SPATA17: variants seen among roughly 807,000 people sequenced by gnomAD.
The protein encoded by SPATA17 is spermatogenesis associated 17.
A neutral mutation model predicts 62.2 loss-of-function variants in SPATA17; 53 were observed. The ratio of observed to expected loss-of-function variants is 0.85; its 90% CI spans 0.68 to 1.07. SPATA17 has a LOEUF of 1.07. Among genes scored for constraint, SPATA17 ranks in the 50% least tolerant of loss-of-function variants. The pLI, the probability that SPATA17 is intolerant of heterozygous loss-of-function variation, is 0.00. For synonymous variants in SPATA17, 146 were observed against 146.8 expected (o/e 0.99, Z 0.04); for missense variants, 466 against 425.5 (o/e 1.10, Z -0.84).
At chr1:217,770,978 ATTTTTTTTTTTTTTTT>A (rs374042087) in intron 6 of SPATA17, among the ~76,000 whole-genome samples, 7 of 50,148 alleles carry the variant, frequency 1.4e-4, no homozygotes, top group East Asian at 8.3e-4. Context: ...AACTCATTGC[ATTTTTTTTTTTTTTTT>A]TTTTTTTTTT....
intron 1 of SPATA17, among the ~76,000 whole-genome samples, chr1:217,641,211 G>A (rs1405328700): frequency 6.6e-5 from 10 of 152,108 alleles, no homozygotes; most frequent in African/African-American, 2.4e-4. Context: ...TATTGATACA[G>A]TAGGCAATGC....
intron 5 of SPATA17, among the ~76,000 whole-genome samples, chr1:217,727,094 A>G (rs1186084484): frequency 1.3e-5 from 2 of 152,048 alleles, no homozygotes; most frequent in Middle Eastern, 3.4e-3. Context: ...CTAAAAATAC[A>G]AAGTTAGCCA....
chr1:217,658,202 T>A (rs1448153149), intron 3 of SPATA17, among the ~76,000 whole-genome samples: 3 of 151,634 alleles, frequency 2.0e-5, no homozygotes, highest in African/African-American at 4.8e-5. Flanking sequence ...TGGTTGGAGG[T>A]GTTTGGGTCA....
At chr1:217,659,164 T>G (rs975879197) in intron 3 of SPATA17, among the ~76,000 whole-genome samples, 1 of 148,322 alleles carries the variant, frequency 6.7e-6, no homozygotes, top group African/African-American at 2.5e-5. Flanking sequence ...GAAATTCAAT[T>G]TAAAGGAGAC....
chr1:217,700,601 T>C (rs1484946734), intron 5 of SPATA17, among the ~76,000 whole-genome samples: 4 of 152,120 alleles, frequency 2.6e-5, no homozygotes, highest in African/African-American at 9.7e-5. Context: ...TTTTTCTTTT[T>C]TTTGAGATGA....
chr1:217,832,461 T>A (rs1236767104), intron 9 of SPATA17, among the ~76,000 whole-genome samples: 1 of 152,120 alleles, frequency 6.6e-6, no homozygotes, highest in African/African-American at 2.4e-5. Flanking sequence ...TAAAAATGGA[T>A]CTGAAGTTAC....
At chr1:217,675,331 TA>T (rs1438758933) in intron 4 of SPATA17, among the ~76,000 whole-genome samples, 1 of 152,250 alleles carries the variant, frequency 6.6e-6, no homozygotes, top group African/African-American at 2.4e-5. Context: ...GTTTCTTTAA[TA>T]AAGTTTACAC....
At position 217,810,517 on chromosome 1, in the gene SPATA17, G is replaced by A. The variant is rs79017331; in HGVS notation, c.1005+8667G>A. ...CACACCTGTAATCTCAGCTACTTGGGGGGCTGAGGCAGAAGAATCACTTGA... is the reference window on the plus strand; with the variant it reads ...CACACCTGTAATCTCAGCTACTTGGAGGGCTGAGGCAGAAGAATCACTTGA... On this transcript the variant is annotated intron_variant, in intron 9 of 10. Transcript: ENST00000366933. Among the ~76,000 whole-genome samples the A allele has an allele frequency of 9.2e-3, 1,401 of 152,102 alleles. 24 individuals carry two copies. Among genetic ancestry groups the A allele is most frequent in the African/African-American group, 0.033 (1,353 of 41,472 alleles).
chr1:217,769,378 C>T (rs916331719), intron 6 of SPATA17, among the ~76,000 whole-genome samples: 16 of 152,214 alleles, frequency 1.1e-4, no homozygotes, highest in African/African-American at 3.9e-4. Context: ...CTAGACTTCT[C>T]CAAACAAACT....
chr1:217,753,524 G>A (rs1366942307), intron 6 of SPATA17, among the ~76,000 whole-genome samples: 1 of 151,844 alleles, frequency 6.6e-6, no homozygotes, highest in Admixed American at 6.6e-5. Flanking sequence ...TTTTCATTTA[G>A]TAGATTCGGT....
intron 3 of SPATA17, among the ~76,000 whole-genome samples, chr1:217,663,315 C>T (rs1051736929): frequency 1.3e-5 from 2 of 151,720 alleles, no homozygotes; most frequent in African/African-American, 4.8e-5. Context: ...CATAGTGGCT[C>T]GCGCTTGTAA....
At chr1:217,770,151 A>AT (rs1311882403) in intron 6 of SPATA17, among the ~76,000 whole-genome samples, 2 of 152,212 alleles carry the variant, frequency 1.3e-5, no homozygotes, top group Non-Finnish European at 2.9e-5. Flanking sequence ...TTAGTATATC[A>AT]TTTTTTAAAA....
At chr1:217,829,452 A>AC (rs1558068061) in intron 9 of SPATA17, among the ~76,000 whole-genome samples, 1 of 151,090 alleles carries the variant, frequency 6.6e-6, no homozygotes, top group Non-Finnish European at 1.5e-5. Context: ...AAATGGTGAA[A>AC]CCCCGTCTCT....
intron 7 of SPATA17, among the ~76,000 whole-genome samples, chr1:217,779,362 C>T (rs1345639701): frequency 7.9e-5 from 12 of 151,594 alleles, no homozygotes; most frequent in Non-Finnish European, 1.8e-4. Context: ...CTCTTTTCTT[C>T]GTTCTCTCTT....
chr1:217,640,602 C>T (rs186390151), intron 1 of SPATA17, among the ~76,000 whole-genome samples: 144 of 151,790 alleles, frequency 9.5e-4, no homozygotes, highest in Admixed American at 4.4e-3. Flanking sequence ...TGTACAAGGG[C>T]GTTCATTAAA....
intron 6 of SPATA17, among the ~76,000 whole-genome samples, chr1:217,769,294 G>C (rs1352539123): frequency 1.3e-5 from 2 of 152,200 alleles, no homozygotes; most frequent in Non-Finnish European, 2.9e-5. Flanking sequence ...TAGCACTATA[G>C]TTAGGGGAAC....
chr1:217,647,583 G>C (rs1231786231), intron 1 of SPATA17, among the ~76,000 whole-genome samples: 1 of 152,184 alleles, frequency 6.6e-6, no homozygotes, highest in African/African-American at 2.4e-5. Context: ...GAAGCTATCA[G>C]AGTGTAACAT....
At chr1:217,672,743 C>G (rs996102874) in intron 4 of SPATA17, among the ~76,000 whole-genome samples, 1 of 151,976 alleles carries the variant, frequency 6.6e-6, no homozygotes, top group Non-Finnish European at 1.5e-5. Context: ...ACTTTATGAT[C>G]CCCCTACCCC....
chr1:217,684,862 T>C (rs949704037), intron 5 of SPATA17, among the ~76,000 whole-genome samples: 20 of 152,164 alleles, frequency 1.3e-4, no homozygotes, highest in African/African-American at 4.8e-4. Context: ...TTCTCACATA[T>C]GTTGTGAATA....
Sources: allele counts gnomAD v4.1 joint callset (sites outside exome capture counted in the v4.1 genomes callset), GRCh38; gene constraint gnomAD v4.1.1; transcripts MANE v1.5; gene names NCBI Gene and HGNC (gene_info 2026-07-23, HGNC 2026-07-21).